Variants in ITPR2 observed in about 807,000 individuals in gnomAD.
ITPR2 encodes inositol 1,4,5-trisphosphate receptor type 2, also known as inositol 1,4,5-trisphosphate-gated calcium channel ITPR2.
ITPR2 carries 207 observed loss-of-function variants against 317.1 expected under a neutral mutation model. The observed-to-expected ratio is 0.65, with a 90% CI of 0.58 to 0.73. The LOEUF is 0.73. ITPR2 is among the 30% of genes least tolerant of loss of function. The pLI is 0.00. For missense variants in ITPR2, 2,613 were observed against 3,284.0 expected, an observed-to-expected ratio of 0.80 and a Z score of 4.99; for synonymous variants, 1,156 against 1,149.1, an observed-to-expected ratio of 1.01 and a Z score of -0.12.
intron 1 of ITPR2, among the ~76,000 whole-genome samples, chr12:26,810,231 T>A (rs964552960): frequency 2.6e-5 from 4 of 152,232 alleles, no homozygotes; most frequent in African/African-American, 9.6e-5. Flanking sequence ...CCTTTTTTAG[T>A]TTTCTTATAA....
chr12:26,516,820 G>A (rs570808500), intron 37 of ITPR2, among the ~76,000 whole-genome samples: 1 of 151,482 alleles, frequency 6.6e-6, no homozygotes, highest in Non-Finnish European at 1.5e-5. Flanking sequence ...GGATGGAGAG[G>A]ATAGATATGA....
At position 26,724,648 on chromosome 12, in the gene ITPR2, ATACT is replaced by A. The variant is rs1565719518; in HGVS notation, c.366+4_366+7del. ...AAATACTCACCTCGTTTAAGAGAAA[ATACT>A]TACTTGTATAACATTACTGTATTTT... On this transcript the variant is annotated splice_donor_5th_base_variant and intron_variant, in intron 4 of 56. Transcript: ENST00000381340. The A allele has an allele frequency of 2.0e-6, 3 of 1,518,178 alleles. No homozygotes were observed. The highest frequency in any genetic ancestry group is 2.7e-6 in the Non-Finnish European group (3 of 1,097,510). The allele number at this position is 1,518,178 out of a possible 1,614,324, so 94.0% of individuals were successfully genotyped here. A position where few individuals can be genotyped will look rare whatever the true frequency, so the allele number is the denominator to read the frequency against.
chr12:26,766,064 T>G (rs958396725), intron 2 of ITPR2, among the ~76,000 whole-genome samples: 3 of 152,198 alleles, frequency 2.0e-5, no homozygotes, highest in African/African-American at 7.2e-5. Context: ...ATTTGGGTTG[T>G]TTCCACTTCG....
chr12:26,458,271 C>T (rs181303663), intron 45 of ITPR2, among the ~76,000 whole-genome samples: 1 of 152,176 alleles, frequency 6.6e-6, no homozygotes, highest in Admixed American at 6.5e-5. Context: ...GAGGGCGGTA[C>T]GGGGGCCCAG....
intron 45 of ITPR2, among the ~76,000 whole-genome samples, chr12:26,464,847 A>C (rs11048537): frequency 0.058 from 8,868 of 152,246 alleles, 736 homozygotes; most frequent in African/African-American, 0.18. Flanking sequence ...AGGAATGCTA[A>C]GGAGCTGAGG....
At chr12:26,495,319 C>A in intron 37 of ITPR2, 59 bp from the exon 38 acceptor site, 2 of 944,932 alleles carry the variant, frequency 2.1e-6, no homozygotes, top group South Asian at 1.5e-5. Context: ...TGAAAAATGT[C>A]AGTATGTTAA....
intron 55 of ITPR2, among the ~76,000 whole-genome samples, chr12:26,372,298 C>G (rs1939210063): frequency 1.3e-5 from 2 of 152,174 alleles, no homozygotes; most frequent in Non-Finnish European, 2.9e-5. Flanking sequence ...ATGGTAGGCA[C>G]TAAGCAAAAG....
chr12:26,664,874 C>A (rs1947587814), intron 14 of ITPR2, among the ~76,000 whole-genome samples: 1 of 152,064 alleles, frequency 6.6e-6, no homozygotes, highest in African/African-American at 2.4e-5. Context: ...TTTGTATTTT[C>A]AGACAATCAG....
intron 54 of ITPR2, among the ~76,000 whole-genome samples, chr12:26,388,791 A>G (rs1335743758): frequency 6.6e-6 from 1 of 152,182 alleles, no homozygotes; most frequent in East Asian, 1.9e-4. Flanking sequence ...AAATACTATA[A>G]GATTCTGCTG....
intron 2 of ITPR2, among the ~76,000 whole-genome samples, chr12:26,786,451 A>T (rs1237973694): frequency 6.1e-4 from 35 of 57,522 alleles, no homozygotes; most frequent in Admixed American, 1.3e-3. Flanking sequence ...ATGATCAATA[A>T]AAAAAAAAAA....
intron 2 of ITPR2, among the ~76,000 whole-genome samples, chr12:26,782,017 TATATATATATATATATGTATAG>T (rs1950094555): frequency 2.9e-4 from 14 of 48,006 alleles, no homozygotes; most frequent in East Asian, 1.6e-3. Context: ...TATATATATA[TATATATATATATATATGTATAG>T]AGAGAGAGAG....
intron 2 of ITPR2, among the ~76,000 whole-genome samples, chr12:26,760,054 CT>C (rs1949602666): frequency 6.6e-6 from 1 of 152,178 alleles, no homozygotes; most frequent in South Asian, 2.1e-4. Context: ...TATGCACATT[CT>C]TCTGTACACT....
intron 48 of ITPR2, 127 bp downstream of exon 48, chr12:26,436,094 A>C: frequency 1.1e-6 from 1 of 898,100 alleles, no homozygotes; most frequent in Non-Finnish European, 1.6e-6. Flanking sequence ...ATTTACTATC[A>C]TACTCTACTT....
chr12:26,447,607 A>G (rs958705096), intron 45 of ITPR2, among the ~76,000 whole-genome samples: 1 of 151,872 alleles, frequency 6.6e-6, no homozygotes, highest in Non-Finnish European at 1.5e-5. Flanking sequence ...TTTTAATGTG[A>G]GTTTCACTTT....
At chr12:26,548,094 C>T (rs1410154321) in intron 37 of ITPR2, among the ~76,000 whole-genome samples, 3 of 152,116 alleles carry the variant, frequency 2.0e-5, no homozygotes, top group Non-Finnish European at 2.9e-5. Context: ...GACTAAATTT[C>T]CAGATACAGC....
intron 2 of ITPR2, among the ~76,000 whole-genome samples, chr12:26,766,489 T>A: frequency 6.6e-6 from 1 of 152,204 alleles, no homozygotes; most frequent in Non-Finnish European, 1.5e-5. Context: ...TATCGATTTA[T>A]AAGAGTTCCT....
At chr12:26,437,147 G>T (rs1237268293) in intron 47 of ITPR2, among the ~76,000 whole-genome samples, 1 of 152,138 alleles carries the variant, frequency 6.6e-6, no homozygotes, top group Non-Finnish European at 1.5e-5. Flanking sequence ...ATGTAAGTTT[G>T]AATGACAGCC....
intron 21 of ITPR2, among the ~76,000 whole-genome samples, chr12:26,647,946 A>G (rs1484478744): frequency 1.3e-5 from 2 of 152,042 alleles, no homozygotes; most frequent in Non-Finnish European, 2.9e-5. Flanking sequence ...GAGCCTAGCA[A>G]TTTCTGCTGA....
At chr12:26,380,339 A>G (rs1330731035) in intron 55 of ITPR2, among the ~76,000 whole-genome samples, 1 of 152,268 alleles carries the variant, frequency 6.6e-6, no homozygotes, top group Non-Finnish European at 1.5e-5. Context: ...AGAGAAAATG[A>G]GAATAACATA....
Sources: allele counts gnomAD v4.1 joint callset (sites outside exome capture counted in the v4.1 genomes callset), GRCh38; gene constraint gnomAD v4.1.1; transcripts MANE v1.5; gene names NCBI Gene and HGNC (gene_info 2026-07-23, HGNC 2026-07-21).